The following MYH11 variants were observed in gnomAD, a reference collection of about 807,000 sequenced individuals.
The protein encoded by MYH11 is myosin-11.
In MYH11, 80 loss-of-function variants were observed where a neutral mutation model predicts 246.6. That is an observed-to-expected ratio of 0.32 (90% CI 0.27 to 0.39). The LOEUF (loss-of-function observed/expected upper bound fraction) is 0.39. Ranked by LOEUF, MYH11 falls within the 10% of genes least tolerant of loss-of-function variation. The pLI is 1.00. For missense variants in MYH11, 2,158 were observed against 2,546.8 expected, an observed-to-expected ratio of 0.85 and a Z score of 3.29; for synonymous variants, 1,071 against 1,015.5, an observed-to-expected ratio of 1.05 and a Z score of -1.04.
intron 9 of MYH11, among the ~76,000 whole-genome samples, chr16:15,767,542 G>A (rs976998116): frequency 2.0e-5 from 3 of 151,770 alleles, no homozygotes; most frequent in African/African-American, 4.8e-5. Flanking sequence ...GGCAGGTCTC[G>A]AACTCCTGGG....
chr16:15,744,718 G>A (rs900348327), intron 20 of MYH11, among the ~76,000 whole-genome samples: 1 of 149,992 alleles, frequency 6.7e-6, no homozygotes, highest in African/African-American at 2.5e-5. Context: ...GGCCAGGCTG[G>A]TTTTGAACTC....
rs775577319 is a variant in MYH11 at position 15,778,817 on chromosome 16, G to T, written c.753C>A (p.Asp251Glu). 2 of 1,614,108 alleles carry T rather than the reference G, an allele frequency of 1.2e-6. No individual in the cohort carries two copies. Among genetic ancestry groups the T allele is most frequent in the Non-Finnish European group, 8.5e-7 (1 of 1,180,022 alleles). The stretch of plus-strand genomic sequence containing the variant: ...TGGCTCCCACGATGTAACCCGTGAC[G>T]TCGAAGTTGATGCGGATGAATTTGC... The part of the protein sequence containing the change: ...RFGKFIRINF[D>E]VTGYIVGANI... Residue 251 changes from aspartate to glutamate, a missense_variant, in exon 7 of 41, where the codon GAC becomes GAA. Transcript: ENST00000300036.
At chr16:15,814,486 G>A (rs2043214898) in intron 3 of MYH11, among the ~76,000 whole-genome samples, 1 of 142,394 alleles carries the variant, frequency 7.0e-6, no homozygotes, top group Non-Finnish European at 1.5e-5. Flanking sequence ...CCGGGAGGTG[G>A]AGGTTGCAGT....
intron 6 of MYH11, among the ~76,000 whole-genome samples, chr16:15,780,300 G>A (rs1362952578): frequency 1.3e-5 from 2 of 152,000 alleles, no homozygotes; most frequent in Admixed American, 1.3e-4. Flanking sequence ...TTAGTGAACA[G>A]TGGGGCCAAG....
At chr16:15,724,433 G>C (rs777634685) in intron 30 of MYH11, 24 bp from the exon 31 acceptor site, 1 of 1,612,996 alleles carries the variant, frequency 6.2e-7, no homozygotes, top group East Asian at 2.2e-5. Context: ...GTCCAGGGTA[G>C]GGTGAGAGGG....
intron 1 of MYH11, among the ~76,000 whole-genome samples, chr16:15,855,138 C>T (rs774087215): frequency 1.3e-5 from 2 of 152,148 alleles, no homozygotes; most frequent in Admixed American, 6.6e-5. Flanking sequence ...CGGAATAACA[C>T]ATCTATTTCG....
chr16:15,809,329 C>T (rs1443893868), intron 3 of MYH11, among the ~76,000 whole-genome samples: 3 of 152,060 alleles, frequency 2.0e-5, no homozygotes, highest in East Asian at 3.9e-4. Flanking sequence ...GCCAGGAGTT[C>T]GAGACCAGCC....
In MYH11 at chr16:15,745,214, T is replaced by A; in HGVS notation, c.2435A>T (p.Gln812Leu). 1 of 1,613,048 alleles carries A rather than the reference T, an allele frequency of 6.2e-7. No homozygotes were observed. The highest frequency in any genetic ancestry group is 8.5e-7 in the Non-Finnish European group (1 of 1,179,330). Residue 812 changes from glutamine to leucine, a missense_variant, in exon 20 of 41, where the codon CAG (glutamine) becomes CTG (leucine). Around this residue, in one of 11 missense-constraint regions of MYH11, gnomAD observed 90 missense variants for 144.2 expected, o/e 0.62. Transcript: ENST00000300036. ...CTGAATCACCTTCATGGCGGTCAGC[T>A]GCTGCTGCCTCTTGGCAAAAGCCCT... ...ARKAFAKRQQ[Q>L]LTAMKVIQRN...
chr16:15,705,292 A>AT (rs1379165519), intron 40 of MYH11, among the ~76,000 whole-genome samples: 2 of 152,056 alleles, frequency 1.3e-5, no homozygotes, highest in African/African-American at 4.8e-5. Context: ...TCTGAGGTGG[A>AT]TTTTAGCTCC....
At chr16:15,747,385 T>G (rs1329640388) in intron 19 of MYH11, among the ~76,000 whole-genome samples, 185 bp downstream of exon 19, 2 of 152,136 alleles carry the variant, frequency 1.3e-5, no homozygotes, top group African/African-American at 4.8e-5. Flanking sequence ...CTCGTTCCCT[T>G]CCTGCACTCG....
chr16:15,738,837 T>A (rs964494958), intron 23 of MYH11, 149 bp from the exon 24 acceptor site: 4 of 979,434 alleles, frequency 4.1e-6, no homozygotes, highest in African/African-American at 3.3e-5. Flanking sequence ...TAAAGAGAAG[T>A]CCCATAACAA....
chr16:15,797,714 T>C (rs1036764273), intron 4 of MYH11, among the ~76,000 whole-genome samples: 5 of 151,964 alleles, frequency 3.3e-5, no homozygotes, highest in African/African-American at 1.2e-4. Flanking sequence ...TTGTAGTCAT[T>C]TGTGAACATG....
intron 3 of MYH11, among the ~76,000 whole-genome samples, chr16:15,807,435 G>GT (rs2043039652): frequency 1.3e-5 from 2 of 152,106 alleles, no homozygotes; most frequent in Admixed American, 1.3e-4. Flanking sequence ...TTGTTTGTTT[G>GT]TTTTTTCACA....
At chr16:15,841,368 C>T (rs376616300) in intron 1 of MYH11, among the ~76,000 whole-genome samples, 3 of 152,332 alleles carry the variant, frequency 2.0e-5, no homozygotes, top group East Asian at 1.9e-4. Flanking sequence ...AAACTCCTGA[C>T]CTCAAGTGAT....
chr16:15,775,304 G>A (rs1366179891), intron 8 of MYH11, among the ~76,000 whole-genome samples: 4 of 152,186 alleles, frequency 2.6e-5, no homozygotes. Context: ...TGTAAATAAA[G>A]TTTTATTGTA....
At chr16:15,706,302 G>T (rs1295519445) in intron 40 of MYH11, among the ~76,000 whole-genome samples, 1 of 152,046 alleles carries the variant, frequency 6.6e-6, no homozygotes, top group Admixed American at 6.6e-5. Context: ...TTTTCCAAGC[G>T]CTTGACTCAG....
chr16:15,717,458 C>G lies in MYH11; in HGVS notation c.5296-110G>C, dbSNP rs530678693. The G allele has an allele frequency of 4.4e-6, 5 of 1,132,928 alleles. No individual in the cohort carries two copies. In the East Asian group the frequency reaches 1.3e-4, roughly 29 times the overall value. The allele number at this position is 1,132,928 out of a possible 1,614,324, so 70.2% of individuals were successfully genotyped here. On this transcript the variant is annotated intron_variant, in intron 37 of 40. Transcript: ENST00000300036. ...GGCCTCTGCACGAGTCCCTTGATCC[C>G]GGGCACCCTGTCCTCTCCTTCATCC...
intron 1 of MYH11, among the ~76,000 whole-genome samples, chr16:15,848,557 G>A (rs904960393): frequency 6.6e-6 from 1 of 152,006 alleles, no homozygotes; most frequent in Non-Finnish European, 1.5e-5. Context: ...TGTGACTCTT[G>A]GGCTGCGTCA....
intron 26 of MYH11, among the ~76,000 whole-genome samples, chr16:15,733,750 C>T (rs1400022714): frequency 2.7e-5 from 4 of 149,390 alleles, no homozygotes; most frequent in African/African-American, 9.9e-5. Context: ...ATGATGTTGG[C>T]CAGGCTGGTC....
Sources: gnomAD v4.1 joint callset for allele counts (sites outside exome capture counted in the v4.1 genomes callset) on GRCh38, gnomAD v4.1.1 for gene constraint, gnomAD v4.1.1 regional missense constraint, MANE v1.5 for transcripts, NCBI Gene and HGNC (gene_info 2026-07-23, HGNC 2026-07-21) for gene names.